The following APBB2 variants were observed in gnomAD, a reference collection of about 807,000 sequenced individuals.
APBB2 encodes the protein Fe65-like 1.
Under a neutral mutation model 82.5 loss-of-function variants are expected in APBB2, and 38 were observed. That is an observed-to-expected ratio of 0.46 (90% confidence interval 0.36 to 0.60). APBB2 has a LOEUF of 0.60. Among genes scored for constraint, APBB2 ranks in the 20% least tolerant of loss-of-function variants. The pLI is 0.00. For synonymous variants in APBB2, 341 were observed against 368.2 expected, an observed-to-expected ratio of 0.93 and a Z score of 0.85; for missense variants, 772 against 972.3, an observed-to-expected ratio of 0.79 and a Z score of 2.74.
At chr4:41,191,872 C>G (rs1774532195) in intron 1 of APBB2, among the ~76,000 whole-genome samples, 1 of 152,060 alleles carries the variant, frequency 6.6e-6, no homozygotes, top group Non-Finnish European at 1.5e-5. Flanking sequence ...CATTTGCAAA[C>G]CATATACCTA....
At chr4:40,950,490 C>A (rs1789797716) in intron 6 of APBB2, among the ~76,000 whole-genome samples, 1 of 152,162 alleles carries the variant, frequency 6.6e-6, no homozygotes, top group Admixed American at 6.5e-5. Flanking sequence ...GGCGGGAGAA[C>A]TGCTTGAGTC....
At chr4:41,042,023 C>T (rs1721694364) in intron 4 of APBB2, among the ~76,000 whole-genome samples, 1 of 152,074 alleles carries the variant, frequency 6.6e-6, no homozygotes, top group Non-Finnish European at 1.5e-5. Context: ...GGCAGTCTCA[C>T]TCTGTCACCC....
rs2153968163 is a variant in APBB2, at chr4:41,100,739, A to G, written c.-249T>C. On this transcript the variant is annotated 5_prime_UTR_variant, in exon 3 of 18. Coordinates refer to ENST00000508593, the MANE Select transcript of APBB2 (RefSeq NM_004307.2). Reference sequence around the variant, plus strand: ...AGCACCCAAGGAGGTCAGGCAGCCCAAAGAGATCGATCTAGAAAGTGTGTA... The same window carrying G: ...AGCACCCAAGGAGGTCAGGCAGCCCGAAGAGATCGATCTAGAAAGTGTGTA... 6.6e-6 allele frequency: 1 copy of G among 152,346 alleles called. No homozygotes were observed. The highest frequency in any genetic ancestry group is 2.1e-4 in the South Asian group (1 of 4,826). 9.4% of individuals were successfully genotyped at this position (152,346 alleles called of 1,614,324 possible). A position where few individuals can be genotyped will look rare whatever the true frequency, so the allele number is the denominator to read the frequency against.
intron 10 of APBB2, among the ~76,000 whole-genome samples, chr4:40,895,441 G>A (rs1208030046): frequency 1.3e-5 from 2 of 152,260 alleles, no homozygotes; most frequent in Non-Finnish European, 2.9e-5. Context: ...TGGTGAAGAG[G>A]AGGTCCCGGG....
Position 40,826,067 on chromosome 4 carries a change from C to T in APBB2, c.1733-97G>A, listed in dbSNP as rs111972439. On this transcript the variant is annotated intron_variant, in intron 14 of 17. Transcript: ENST00000508593. The surrounding 1 kb of genome is among the most constrained non-coding windows in gnomAD (Gnocchi z 4.5). Reference sequence around the variant, plus strand: ...CATCATCTGAATGCTCAGGACACGCCCTGTGCCATAACGCCCTATGTTTCT... The same window carrying T: ...CATCATCTGAATGCTCAGGACACGCTCTGTGCCATAACGCCCTATGTTTCT... The T allele has an allele frequency of 0.056, 49,919 of 888,892 alleles. 1,828 individuals carry two copies. The highest frequency in any genetic ancestry group is 0.074 in the Non-Finnish European group (38,601 of 522,568). The allele number at this position is 888,892 out of a possible 1,614,324, so 55.1% of individuals were successfully genotyped here. A position where few individuals can be genotyped will look rare whatever the true frequency, so the allele number is the denominator to read the frequency against.
At position 40,822,000 on chromosome 4, in the gene APBB2, C is replaced by A; in HGVS notation, c.1983G>T (p.Met661Ile). 1 of 1,614,178 alleles carries A rather than the reference C, an allele frequency of 6.2e-7. No homozygotes were observed. The highest frequency in any genetic ancestry group is 8.5e-7 in the Non-Finnish European group (1 of 1,180,040). The change falls in exon 17 of 18, where the codon ATG (methionine) becomes ATT (isoleucine). Residue 661 changes from methionine (M) to isoleucine (I), a missense_variant. Met to Ile is a conservative substitution (Grantham distance 10). Transcript: ENST00000508593. ...VECRVRFLSF[M>I]GVGKDVHTFA... ...ATGTGTGGACGTCCTTCCCAACACC[C>A]ATGAAGGACAGGAATCGCACACGAC...
At chr4:40,967,472 C>A (rs1356077984) in intron 6 of APBB2, among the ~76,000 whole-genome samples, 1 of 152,216 alleles carries the variant, frequency 6.6e-6, no homozygotes, top group Admixed American at 6.5e-5. Context: ...TTCCTGGCAT[C>A]TCCAAGCTTC....
chr4:40,917,508 G>A (rs535432506), intron 10 of APBB2, among the ~76,000 whole-genome samples: 37 of 152,096 alleles, frequency 2.4e-4, no homozygotes, highest in Non-Finnish European at 4.9e-4. Flanking sequence ...ACCTAGGTAA[G>A]TGCTAAGCAG....
intron 10 of APBB2, among the ~76,000 whole-genome samples, chr4:40,914,409 G>A (rs746949627): frequency 2.7e-4 from 41 of 151,888 alleles, no homozygotes; most frequent in Non-Finnish European, 4.6e-4. Context: ...AAAATCATCC[G>A]GGTGCAGTGG....
At chr4:41,151,768 G>T (rs942217806) in intron 1 of APBB2, among the ~76,000 whole-genome samples, 6 of 150,826 alleles carry the variant, frequency 4.0e-5, no homozygotes, top group African/African-American at 1.5e-4. Context: ...CTTAAACATG[G>T]TCTTCTTTTT....
intron 1 of APBB2, among the ~76,000 whole-genome samples, chr4:41,169,885 G>A (rs1258729061): frequency 6.6e-6 from 1 of 151,818 alleles, no homozygotes; most frequent in African/African-American, 2.4e-5. Flanking sequence ...ATAAGATCTA[G>A]AAACAGGAAC....
intron 12 of APBB2, among the ~76,000 whole-genome samples, chr4:40,864,179 G>A (rs1763485545): frequency 6.6e-6 from 1 of 152,104 alleles, no homozygotes; most frequent in African/African-American, 2.4e-5. Flanking sequence ...GCTTGAACCG[G>A]GAAGGTAGAG....
At chr4:40,990,688 G>A (rs1422768495) in intron 6 of APBB2, among the ~76,000 whole-genome samples, 2 of 152,174 alleles carry the variant, frequency 1.3e-5, no homozygotes, top group East Asian at 1.9e-4. Flanking sequence ...CAGGAAGTGG[G>A]TGCTGAGTCC....
chr4:40,880,781 C>T, intron 12 of APBB2: 1 of 985,426 alleles, frequency 1.0e-6, no homozygotes, highest in South Asian at 4.7e-5. Flanking sequence ...TTTCTGCTCT[C>T]TCTTGACACA....
chr4:41,068,039 A>C (rs959350354), intron 3 of APBB2, among the ~76,000 whole-genome samples: 1 of 152,168 alleles, frequency 6.6e-6, no homozygotes, highest in Non-Finnish European at 1.5e-5. Flanking sequence ...ACCTCGAAGA[A>C]GAGGGGAGTC....
intron 1 of APBB2, among the ~76,000 whole-genome samples, chr4:41,157,704 G>A (rs1763829138): frequency 2.0e-5 from 3 of 152,104 alleles, no homozygotes; most frequent in South Asian, 4.1e-4. Flanking sequence ...TGAGAGCTAC[G>A]ACTCCAGGCC....
chr4:41,126,605 CA>C (rs1213194591), intron 2 of APBB2, among the ~76,000 whole-genome samples: 1 of 152,138 alleles, frequency 6.6e-6, no homozygotes, highest in Admixed American at 6.5e-5. Flanking sequence ...ATAGGACTGC[CA>C]TAACAAAGTA....
chr4:41,158,315 A>G (rs1268958458), intron 1 of APBB2, among the ~76,000 whole-genome samples: 2 of 152,338 alleles, frequency 1.3e-5, no homozygotes, highest in South Asian at 2.1e-4. Flanking sequence ...AGGTGAAAAG[A>G]GTATATTCTT....
At chr4:40,917,340 G>C (rs977979855) in intron 10 of APBB2, among the ~76,000 whole-genome samples, 2 of 152,108 alleles carry the variant, frequency 1.3e-5, no homozygotes, top group Admixed American at 1.3e-4. Flanking sequence ...ATCAAAGAAA[G>C]GGAAGTGACT....
Sources: gnomAD v4.1 joint callset for allele counts (sites outside exome capture counted in the v4.1 genomes callset) on GRCh38, gnomAD v4.1.1 for gene constraint, Gnocchi (gnomAD v3.1) non-coding constraint, MANE v1.5 for transcripts, NCBI Gene and HGNC (gene_info 2026-07-23, HGNC 2026-07-21) for gene names.